Variants in ERC1 observed in about 807,000 individuals in gnomAD.
ERC1 encodes the protein ELKS/RAB6-interacting/CAST family member 1, also known as RAB6 interacting protein 2.
A neutral mutation model predicts 132.0 loss-of-function variants in ERC1; 56 were observed. The ratio of observed to expected loss-of-function variants is 0.42; its 90% CI spans 0.34 to 0.53. The LOEUF (loss-of-function observed/expected upper bound fraction) is 0.53, where lower values mean the gene tolerates loss of function less well. ERC1 is among the 20% of genes least tolerant of loss of function. ERC1 has a pLI of 0.03. For synonymous variants in ERC1, 478 were observed against 476.1 expected, an observed-to-expected ratio of 1.00 and a Z score of -0.05; for missense variants, 1,202 against 1,349.9, an observed-to-expected ratio of 0.89 and a Z score of 1.72.
chr12:1,012,988 T>C (rs922200985), intron 1 of ERC1, among the ~76,000 whole-genome samples: 4 of 152,218 alleles, frequency 2.6e-5, no homozygotes, highest in Admixed American at 2.0e-4. Flanking sequence ...TTTTTAGACA[T>C]TTTTGTTATT....
At chr12:1,399,917 G>T (rs1294448920) in intron 16 of ERC1, among the ~76,000 whole-genome samples, 1 of 152,148 alleles carries the variant, frequency 6.6e-6, no homozygotes, top group African/African-American at 2.4e-5. Context: ...GATTGGAATT[G>T]CTAAGTCATA....
chr12:1,272,306 C>T (rs2077916040), intron 14 of ERC1, among the ~76,000 whole-genome samples: 3 of 152,194 alleles, frequency 2.0e-5, no homozygotes, highest in African/African-American at 7.2e-5. Flanking sequence ...CAAGGGGAGG[C>T]ACTGCTCTCA....
chr12:1,256,549 A>G (rs1248192568), intron 13 of ERC1, among the ~76,000 whole-genome samples: 1 of 150,672 alleles, frequency 6.6e-6, no homozygotes, highest in East Asian at 2.0e-4. Context: ...TTTTCAGCTG[A>G]ACTTTGATGA....
chr12:1,010,254 G>A lies in ERC1; in HGVS notation c.-156-17494G>A, dbSNP rs1964462875. Among the ~76,000 whole-genome samples the A allele has an allele frequency of 4.6e-5, 7 of 152,236 alleles. No homozygotes were observed. The South Asian group carries it at 6.2e-4, about 14-fold the overall frequency. ...CCAGCAATTTGGGAGGCTGAGGTGG[G>A]CAGATCACTTGAGGTCAGGAGTTCG... On this transcript the variant is annotated intron_variant, in intron 1 of 18. Transcript: ENST00000360905.
At chr12:1,213,931 G>A (rs1427413289) in intron 12 of ERC1, among the ~76,000 whole-genome samples, 2 of 151,902 alleles carry the variant, frequency 1.3e-5, no homozygotes, top group Non-Finnish European at 2.9e-5. Context: ...ATAAGGAAAA[G>A]TTGAGTTTTT....
chr12:1,125,829 C>T (rs10773927), intron 7 of ERC1, among the ~76,000 whole-genome samples: 89,562 of 152,006 alleles, frequency 0.59, 29,726 homozygotes, highest in East Asian at 0.87. Context: ...ACAAAACAAA[C>T]AAAAAAAACA....
At chr12:1,083,714 T>A (rs758860551) in intron 3 of ERC1, 134 bp downstream of exon 3, 36 of 684,116 alleles carry the variant, frequency 5.3e-5, no homozygotes, top group Non-Finnish European at 7.8e-5. Flanking sequence ...TGTATTTAAG[T>A]GCGTCACTGA....
At chr12:1,174,675 T>G (rs1953492359) in intron 8 of ERC1, among the ~76,000 whole-genome samples, 1 of 152,234 alleles carries the variant, frequency 6.6e-6, no homozygotes, top group Non-Finnish European at 1.5e-5. Context: ...AAGGGGTGTT[T>G]GTATATTAGG....
chr12:1,425,843 A>G (rs1273184116), intron 17 of ERC1, among the ~76,000 whole-genome samples: 2 of 152,202 alleles, frequency 1.3e-5, no homozygotes, highest in African/African-American at 4.8e-5. Context: ...AAGTAATAGA[A>G]AAAGCATTGA....
rs147603431 is a variant in ERC1 at position 1,275,817 on chromosome 12, C to T, written c.2619+12652C>T. 5.2e-3 allele frequency among the ~76,000 whole-genome samples: 786 copies of T among 152,208 alleles called. 9 individuals are homozygous for T. Among genetic ancestry groups the T allele is most frequent in the African/African-American group, 0.018 (749 of 41,512 alleles). On this transcript the variant is annotated intron_variant, in intron 14 of 18. Coordinates refer to ENST00000360905, the MANE Select transcript of ERC1 (RefSeq NM_178040.4). Reference sequence around the variant, plus strand: ...CAAACTGTACAAGGAGCATGATGCCCGCATCTGCTTCTGGTGAGGGTCTCA... The same window carrying T: ...CAAACTGTACAAGGAGCATGATGCCTGCATCTGCTTCTGGTGAGGGTCTCA...
Position 1,475,931 on chromosome 12 carries a change from G to A in ERC1, c.3214-14162G>A, listed in dbSNP as rs567208767. Among the ~76,000 whole-genome samples, 12 of 149,982 alleles carry A rather than the reference G, an allele frequency of 8.0e-5. No individual in the cohort carries two copies. The East Asian group carries it at 1.2e-3, about 15-fold the overall frequency. ...GGATTGCTTAAGGCCAGGAGTTGAA[G>A]AGCAGCCTGGGCAACATAGTGAGAT... On this transcript the variant is annotated intron_variant, in intron 18 of 18. Transcript: ENST00000360905.
intron 15 of ERC1, among the ~76,000 whole-genome samples, chr12:1,310,354 G>A (rs1402214915): frequency 1.3e-5 from 2 of 151,926 alleles, no homozygotes; most frequent in African/African-American, 2.4e-5. Flanking sequence ...ATACAGGTGC[G>A]CGCCAACAGG....
intron 18 of ERC1, among the ~76,000 whole-genome samples, chr12:1,454,207 T>C (rs1418516485): frequency 2.0e-5 from 3 of 152,200 alleles, no homozygotes; most frequent in African/African-American, 7.2e-5. Context: ...ACGGAGGTGC[T>C]GGAGGTGCCC....
At chr12:1,049,128 T>G (rs1036250870) in intron 2 of ERC1, among the ~76,000 whole-genome samples, 6 of 152,206 alleles carry the variant, frequency 3.9e-5, no homozygotes, top group African/African-American at 1.4e-4. Flanking sequence ...AAGCAAATTG[T>G]TTTTTTATGT....
At chr12:1,182,364 A>G (rs1954575476) in intron 10 of ERC1, among the ~76,000 whole-genome samples, 1 of 152,236 alleles carries the variant, frequency 6.6e-6, no homozygotes, top group Non-Finnish European at 1.5e-5. Context: ...ATAGTGTGCT[A>G]AAGATAAGAA....
chr12:1,091,206 A>C (rs1184003198), intron 3 of ERC1, among the ~76,000 whole-genome samples: 2 of 152,134 alleles, frequency 1.3e-5, no homozygotes, highest in Admixed American at 1.3e-4. Flanking sequence ...TATTATTTAT[A>C]GATTCCTTCA....
intron 17 of ERC1, among the ~76,000 whole-genome samples, chr12:1,435,691 G>C (rs1402916350): frequency 6.6e-6 from 1 of 152,096 alleles, no homozygotes; most frequent in South Asian, 2.1e-4. Context: ...TCTGGACTTC[G>C]TGCCCCCGTG....
At chr12:1,393,607 CGTGT>C (rs34533745) in intron 16 of ERC1, among the ~76,000 whole-genome samples, 26,648 of 139,884 alleles carry the variant, frequency 0.19, 2,915 homozygotes, top group Non-Finnish European at 0.25. Flanking sequence ...AGAGAACACA[CGTGT>C]GTGTGTGTGT....
chr12:1,308,253 A>G (rs971178995), intron 15 of ERC1, among the ~76,000 whole-genome samples: 2 of 152,066 alleles, frequency 1.3e-5, no homozygotes, highest in Non-Finnish European at 2.9e-5. Context: ...GGTAGCAGTT[A>G]CTTCACAGGC....
Sources: allele counts gnomAD v4.1 joint callset (sites outside exome capture counted in the v4.1 genomes callset), GRCh38; gene constraint gnomAD v4.1.1; transcripts MANE v1.5; gene names NCBI Gene and HGNC (gene_info 2026-07-23, HGNC 2026-07-21).